TCF4: variants seen among roughly 807,000 people sequenced by gnomAD.
The protein encoded by TCF4 is SL3-3 enhancer factor 2.
In TCF4, 3 loss-of-function variants were observed where a neutral mutation model predicts 82.1. The ratio of observed to expected loss-of-function variants is 0.04; its 90% confidence interval spans 0.02 to 0.09. The LOEUF is 0.09. Ranked by LOEUF, TCF4 falls within the 10% of genes least tolerant of loss-of-function variation. The pLI, the probability that TCF4 is intolerant of heterozygous loss-of-function variation, is 1.00. For synonymous variants in TCF4, 276 were observed against 309.6 expected, an observed-to-expected ratio of 0.89 and a Z score of 1.14; for missense variants, 518 against 852.7, an observed-to-expected ratio of 0.61 and a Z score of 4.89.
At chr18:55,320,331 T>C (rs1031787467) in intron 8 of TCF4, among the ~76,000 whole-genome samples, 2 of 152,242 alleles carry the variant, frequency 1.3e-5, no homozygotes, top group African/African-American at 4.8e-5. Flanking sequence ...ACCGTGCTCT[T>C]TTTTAAAAAA....
chr18:55,241,226 T>C (rs1484301069), intron 15 of TCF4, among the ~76,000 whole-genome samples: 1 of 152,206 alleles, frequency 6.6e-6, no homozygotes, highest in East Asian at 1.9e-4. Context: ...AACTCATACG[T>C]TCCATCTATT....
intron 8 of TCF4, among the ~76,000 whole-genome samples, chr18:55,343,265 A>G (rs906891826): frequency 6.6e-6 from 1 of 152,172 alleles, no homozygotes; most frequent in East Asian, 1.9e-4. Context: ...CACACTGAGA[A>G]ATTTTCTTTA....
At chr18:55,586,400 G>A (rs2097651199) in intron 2 of TCF4, among the ~76,000 whole-genome samples, 1 of 152,212 alleles carries the variant, frequency 6.6e-6, no homozygotes, top group Non-Finnish European at 1.5e-5. Flanking sequence ...AAGGGATGGA[G>A]AAGGACCAAG....
intron 8 of TCF4, among the ~76,000 whole-genome samples, chr18:55,333,522 T>A (rs1404209476): frequency 6.6e-6 from 1 of 151,668 alleles, no homozygotes; most frequent in Admixed American, 6.6e-5. Context: ...CCCCAATATA[T>A]CTTAATTTCT....
intron 1 of TCF4, among the ~76,000 whole-genome samples, chr18:55,634,819 T>C (rs2097734728): frequency 6.6e-6 from 1 of 152,208 alleles, no homozygotes. Flanking sequence ...GTAGAAGTGA[T>C]ATTGCACAGA....
chr18:55,505,553 C>T (rs2096746181), intron 3 of TCF4, among the ~76,000 whole-genome samples: 1 of 151,834 alleles, frequency 6.6e-6, no homozygotes, highest in African/African-American at 2.4e-5. Flanking sequence ...GCCTGTAATC[C>T]CAGCACTTTG....
chr18:55,339,346 C>T (rs2079313363), intron 8 of TCF4, among the ~76,000 whole-genome samples: 1 of 152,042 alleles, frequency 6.6e-6, no homozygotes, highest in Non-Finnish European at 1.5e-5. Flanking sequence ...GTGAGGAACA[C>T]GGCAATCCAC....
Position 55,634,090 on chromosome 18 carries a change from GA to G in TCF4, c.195+1612del, listed in dbSNP as rs529685410. On this transcript the variant is annotated intron_variant, in intron 1 of 20. Transcript: ENST00000398339. The stretch of plus-strand genomic sequence containing the variant: ...TCAAGACCAGCCTGGCCAACATGAT[GA>G]AACCCCGTCTCTACTAAAAATACAA... Among the ~76,000 whole-genome samples, 270 of 152,234 alleles carry G rather than the reference GA, an allele frequency of 1.8e-3. 2 individuals carry two copies. The highest frequency in any genetic ancestry group is 4.0e-3 in the Admixed American group (61 of 15,300).
intron 9 of TCF4, among the ~76,000 whole-genome samples, chr18:55,278,237 A>G (rs2061838996): frequency 6.6e-6 from 1 of 152,140 alleles, no homozygotes; most frequent in Non-Finnish European, 1.5e-5. Context: ...CTTTGCCCCA[A>G]ATGTGCTCCC....
chr18:55,483,976 T>C (rs2096481212), intron 3 of TCF4, among the ~76,000 whole-genome samples: 1 of 152,268 alleles, frequency 6.6e-6, no homozygotes, highest in Admixed American at 6.5e-5. Flanking sequence ...CAGTATTTCA[T>C]CTTCCTTTAC....
rs113412064 is a variant in TCF4 at position 55,610,637 on chromosome 18, A to G, written c.286+20661T>C. The stretch of plus-strand genomic sequence containing the variant: ...AGAAGATGATAAAAAGGGATGTTAT[A>G]TATTAACTACTTAACAGCTACAACA... On this transcript the variant is annotated intron_variant, in intron 2 of 20. Coordinates refer to the TCF4 transcript ENST00000398339. 7.0e-3 allele frequency among the ~76,000 whole-genome samples: 1,061 copies of G among 152,324 alleles called. 9 individuals are homozygous for G. The highest frequency in any genetic ancestry group is 0.025 in the African/African-American group (1,022 of 41,564).
intron 11 of TCF4, chr18:55,267,749 G>A (rs543565257): frequency 6.6e-6 from 1 of 152,034 alleles, no homozygotes; most frequent in Non-Finnish European, 1.5e-5. Context: ...ATTTTGACAA[G>A]TGCATCCATT....
At chr18:55,257,208 T>TA (rs1600399044) in intron 14 of TCF4, 107 bp downstream of exon 14, 1 of 1,196,492 alleles carries the variant, frequency 8.4e-7, no homozygotes, top group South Asian at 1.2e-5. Flanking sequence ...AATGCTGACT[T>TA]AAAGTTACTA....
intron 2 of TCF4, among the ~76,000 whole-genome samples, chr18:55,601,165 T>C (rs368415797): frequency 6.6e-6 from 1 of 152,166 alleles, no homozygotes; most frequent in East Asian, 1.9e-4. Flanking sequence ...AAAATACATA[T>C]ATAGAATGTT....
chr18:55,250,400 T>C (rs1201584744), intron 15 of TCF4, among the ~76,000 whole-genome samples: 1 of 152,194 alleles, frequency 6.6e-6, no homozygotes, highest in Non-Finnish European at 1.5e-5. Context: ...CCAACACTTA[T>C]CAAGTTTTGA....
At chr18:55,370,598 G>A (rs1397565612) in intron 6 of TCF4, among the ~76,000 whole-genome samples, 1 of 152,084 alleles carries the variant, frequency 6.6e-6, no homozygotes, top group Admixed American at 6.6e-5. Context: ...TCACCATGGC[G>A]ATGTTTTTCT....
intron 3 of TCF4, among the ~76,000 whole-genome samples, chr18:55,554,765 C>A (rs1000709225): frequency 1.3e-5 from 2 of 152,058 alleles, no homozygotes; most frequent in Admixed American, 1.3e-4. Context: ...TCCCCAGGCC[C>A]CAGAACAGAT....
intron 8 of TCF4, chr18:55,302,676 G>A: frequency 7.0e-7 from 1 of 1,427,954 alleles, no homozygotes; most frequent in Admixed American, 2.2e-5. Context: ...AGGGGTGGGA[G>A]GGCCTAGGAT....
chr18:55,305,666 T>C (rs1312868477), intron 8 of TCF4, among the ~76,000 whole-genome samples: 2 of 152,168 alleles, frequency 1.3e-5, no homozygotes, highest in Non-Finnish European at 2.9e-5. Context: ...GACATGTAAC[T>C]GGATAAATGG....
Sources: gnomAD v4.1 joint callset for allele counts (sites outside exome capture counted in the v4.1 genomes callset) on GRCh38, gnomAD v4.1.1 for gene constraint, MANE v1.5 for transcripts, NCBI Gene and HGNC (gene_info 2026-07-23, HGNC 2026-07-21) for gene names.